Variants in ATG7 observed in about 807,000 individuals in gnomAD.
ATG7 encodes the protein ubiquitin-like modifier-activating enzyme ATG7.
Under a neutral mutation model 82.4 loss-of-function variants are expected in ATG7, and 70 were observed. The observed-to-expected ratio is 0.85, with a 90% CI of 0.70 to 1.04. The LOEUF (loss-of-function observed/expected upper bound fraction) is 1.04, where lower values mean the gene tolerates loss of function less well. Ranked by LOEUF, ATG7 falls within the 50% of genes least tolerant of loss-of-function variation. The pLI, the probability that ATG7 is intolerant of heterozygous loss-of-function variation, is 0.00. For missense variants in ATG7, 792 were observed against 864.3 expected (o/e 0.92, Z 1.05); for synonymous variants, 287 against 313.0 (o/e 0.92, Z 0.88).
chr3:11,382,344 G>A (rs1160160754), intron 19 of ATG7, among the ~76,000 whole-genome samples: 1 of 152,260 alleles, frequency 6.6e-6, no homozygotes, highest in Non-Finnish European at 1.5e-5. Flanking sequence ...GTAGCCTGAG[G>A]TGGGGAAGAA....
downstream of ATG7, chr3:11,558,009 GTT>G (rs2072598627): frequency 6.4e-6 from 1 of 155,670 alleles, no homozygotes; most frequent in Admixed American, 6.3e-5. Flanking sequence ...TTTTTCAGCA[GTT>G]TGCCCTCAGA....
chr3:11,559,519 C>T (rs2072773567), downstream of ATG7: 5 of 1,479,284 alleles, frequency 3.4e-6, no homozygotes, highest in Non-Finnish European at 4.5e-6. Context: ...ACCCCTGGGG[C>T]CCTCCCCAGC....
the ATG7 span, chr3:11,568,582 T>C: frequency 3.9e-6 from 6 of 1,558,028 alleles, no homozygotes; most frequent in East Asian, 1.2e-4. The surrounding 1 kb of genome is among the most constrained non-coding windows in gnomAD (Gnocchi z 5.9). Flanking sequence ...TGGTTAATTT[T>C]AGTAAAATTA....
downstream of ATG7, chr3:11,559,596 T>A: frequency 7.7e-7 from 1 of 1,296,596 alleles, no homozygotes; most frequent in Non-Finnish European, 1.0e-6. Flanking sequence ...AATACTGGAG[T>A]CCTGTTGCTA....
At chr3:11,274,965 G>A (rs1434889795) in intron 1 of ATG7, among the ~76,000 whole-genome samples, 3 of 151,960 alleles carry the variant, frequency 2.0e-5, no homozygotes, top group African/African-American at 7.3e-5. Flanking sequence ...CAGCAATGTG[G>A]TGATTACACT....
intron 20 of ATG7, among the ~76,000 whole-genome samples, chr3:11,501,639 C>A (rs2091330190): frequency 6.6e-6 from 1 of 152,044 alleles, no homozygotes; most frequent in Non-Finnish European, 1.5e-5. Context: ...TCCCTTTATT[C>A]TCAGGGAATA....
chr3:11,495,754 C>T (rs555208629), intron 20 of ATG7, among the ~76,000 whole-genome samples: 7 of 152,260 alleles, frequency 4.6e-5, no homozygotes, highest in South Asian at 2.1e-4. Flanking sequence ...TCTATTTTGC[C>T]GTGTTTCATA....
intron 20 of ATG7, among the ~76,000 whole-genome samples, chr3:11,497,533 C>CAA (rs760302631): frequency 9.0e-5 from 7 of 77,394 alleles, no homozygotes; most frequent in East Asian, 3.3e-4. Flanking sequence ...GAGACTCCAC[C>CAA]AAAAAAAAAA....
At chr3:11,356,359 C>G in intron 14 of ATG7, among the ~76,000 whole-genome samples, 1 of 152,084 alleles carries the variant, frequency 6.6e-6, no homozygotes, top group East Asian at 1.9e-4. Context: ...AATATTGGTG[C>G]CTGGGCTCAT....
intron 14 of ATG7, among the ~76,000 whole-genome samples, chr3:11,356,331 A>G (rs889228593): frequency 1.3e-5 from 2 of 152,222 alleles, no homozygotes; most frequent in Admixed American, 6.5e-5. Context: ...CCTTTGAATC[A>G]TCAGGGGAGT....
intron 18 of ATG7, among the ~76,000 whole-genome samples, chr3:11,368,345 A>G (rs2076769973): frequency 6.6e-6 from 1 of 151,332 alleles, no homozygotes; most frequent in Non-Finnish European, 1.5e-5. Flanking sequence ...GTTCTTTGGT[A>G]GGAGGCACAG....
At chr3:11,486,613 G>A (rs1412892691) in intron 20 of ATG7, among the ~76,000 whole-genome samples, 3 of 151,796 alleles carry the variant, frequency 2.0e-5, no homozygotes, top group Admixed American at 1.3e-4. Context: ...CCTGTCTTGT[G>A]CCAGTTTTCA....
intron 19 of ATG7, among the ~76,000 whole-genome samples, chr3:11,426,532 C>G (rs1207608370): frequency 6.6e-6 from 1 of 152,066 alleles, no homozygotes; most frequent in Non-Finnish European, 1.5e-5. Context: ...CTACTCCTAA[C>G]TTTTCTAGAA....
intron 9 of ATG7, among the ~76,000 whole-genome samples, chr3:11,317,598 T>G (rs974368883): frequency 1.4e-5 from 2 of 147,288 alleles, no homozygotes; most frequent in Non-Finnish European, 1.5e-5. Context: ...TTTTTTTTTT[T>G]TTTTTTGTTT....
At chr3:11,473,485 C>T (rs1402434461) in intron 20 of ATG7, among the ~76,000 whole-genome samples, 1 of 152,100 alleles carries the variant, frequency 6.6e-6, no homozygotes, top group Admixed American at 6.6e-5. Flanking sequence ...TGTTTTAGAA[C>T]GGATGGAAAA....
At chr3:11,307,345 G>A (rs546802140) in intron 6 of ATG7, among the ~76,000 whole-genome samples, 1 of 152,340 alleles carries the variant, frequency 6.6e-6, no homozygotes, top group African/African-American at 2.4e-5. Flanking sequence ...TCTCCAGCCA[G>A]CATTTTGAAG....
intron 19 of ATG7, among the ~76,000 whole-genome samples, chr3:11,403,748 C>T (rs375232440): frequency 2.6e-5 from 4 of 152,052 alleles, no homozygotes; most frequent in South Asian, 4.1e-4. Context: ...ACCCTGAGGT[C>T]GAAGTATGAA....
chr3:11,350,378 A>G (rs1260645229), intron 14 of ATG7, among the ~76,000 whole-genome samples: 2 of 152,212 alleles, frequency 1.3e-5, no homozygotes, highest in Non-Finnish European at 2.9e-5. Flanking sequence ...GTGGCTTACA[A>G]TTGCAAACAT....
chr3:11,394,861 G>A (rs1175082836), intron 19 of ATG7, among the ~76,000 whole-genome samples: 1 of 152,154 alleles, frequency 6.6e-6, no homozygotes, highest in Non-Finnish European at 1.5e-5. Flanking sequence ...TAATTTTGCT[G>A]TTACAATATC....
Sources: allele counts gnomAD v4.1 joint callset (sites outside exome capture counted in the v4.1 genomes callset), GRCh38; gene constraint gnomAD v4.1.1; non-coding constraint Gnocchi (gnomAD v3.1); transcripts MANE v1.5; gene names NCBI Gene and HGNC (gene_info 2026-07-23, HGNC 2026-07-21).